RALYL: variants seen among roughly 807,000 people sequenced by gnomAD.
RALYL encodes RNA-binding Raly-like protein.
In RALYL, 29 loss-of-function variants were observed where a neutral mutation model predicts 35.1. The ratio of observed to expected loss-of-function variants is 0.83; its 90% CI spans 0.61 to 1.13. RALYL has a LOEUF of 1.13. Among genes scored for constraint, RALYL ranks in the 50% most tolerant of loss-of-function variants. The pLI is 0.00. For synonymous variants in RALYL, 120 were observed against 127.6 expected, an observed-to-expected ratio of 0.94 and a Z score of 0.40; for missense variants, 359 against 360.4, an observed-to-expected ratio of 1.00 and a Z score of 0.03.
rs527860260 is a variant in RALYL at position 84,617,023 on chromosome 8, T to C, written c.256+87446T>C. Among the ~76,000 whole-genome samples, 31 of 150,580 alleles carry C rather than the reference T, an allele frequency of 2.1e-4. No individual in the cohort carries two copies. In the East Asian group the frequency reaches 6.0e-3, roughly 29 times the overall value. ...TGTAGTATAGTTTGAAGTCAGGTAG[T>C]GTGATGCCTCCAGCTTTGTTCTTTT... On this transcript the variant is annotated intron_variant, in intron 2 of 8. Coordinates refer to ENST00000521268, the MANE Select transcript of RALYL (RefSeq NM_173848.7).
At chr8:84,636,512 A>G (rs1431583174) in intron 2 of RALYL, among the ~76,000 whole-genome samples, 1 of 151,848 alleles carries the variant, frequency 6.6e-6, no homozygotes, top group African/African-American at 2.4e-5. Context: ...ACATCTTGAT[A>G]CTGTCAGCTG....
chr8:84,490,979 A>G (rs2055226061), intron 1 of RALYL, among the ~76,000 whole-genome samples: 1 of 152,046 alleles, frequency 6.6e-6, no homozygotes, highest in East Asian at 1.9e-4. Context: ...TTTTTTAAGC[A>G]GAGTTGAAGA....
chr8:84,336,641 T>C (rs1198534419), intron 1 of RALYL, among the ~76,000 whole-genome samples: 1 of 152,062 alleles, frequency 6.6e-6, no homozygotes, highest in Non-Finnish European at 1.5e-5. Context: ...CACAAATTGG[T>C]AATTGTTAGG....
At chr8:84,866,681 T>C (rs1433605506) in intron 6 of RALYL, among the ~76,000 whole-genome samples, 1 of 152,140 alleles carries the variant, frequency 6.6e-6, no homozygotes, top group African/African-American at 2.4e-5. Flanking sequence ...TAGAACAGTG[T>C]CGGCTAATAT....
chr8:84,469,932 C>A (rs1162876823), intron 1 of RALYL, among the ~76,000 whole-genome samples: 1 of 152,208 alleles, frequency 6.6e-6, no homozygotes, highest in African/African-American at 2.4e-5. Context: ...CTTTCTTTGA[C>A]TCAGACAGGG....
At chr8:84,244,691 A>T (rs1349374183) in intron 1 of RALYL, among the ~76,000 whole-genome samples, 1 of 152,202 alleles carries the variant, frequency 6.6e-6, no homozygotes, top group African/African-American at 2.4e-5. Flanking sequence ...AAAAATGATC[A>T]TTTATTATCT....
intron 1 of RALYL, among the ~76,000 whole-genome samples, chr8:84,189,468 G>A (rs1249209685): frequency 1.3e-5 from 2 of 152,178 alleles, no homozygotes; most frequent in Non-Finnish European, 2.9e-5. Context: ...ACAGGTGGGA[G>A]TAAGGAACGG....
intron 1 of RALYL, among the ~76,000 whole-genome samples, chr8:84,505,386 CA>C (rs1215687701): frequency 6.6e-6 from 1 of 152,002 alleles, no homozygotes; most frequent in African/African-American, 2.4e-5. Context: ...AGGAGAGAGG[CA>C]TGTTAGTATT....
intron 1 of RALYL, among the ~76,000 whole-genome samples, chr8:84,308,007 G>C (rs1267114023): frequency 2.0e-5 from 3 of 150,240 alleles, no homozygotes; most frequent in Non-Finnish European, 4.4e-5. Flanking sequence ...TTGAGCTGCC[G>C]CTCAAAACCG....
intron 3 of RALYL, among the ~76,000 whole-genome samples, chr8:84,797,995 C>T (rs1010435623): frequency 1.4e-4 from 21 of 152,276 alleles, no homozygotes; most frequent in African/African-American, 4.8e-4. Flanking sequence ...CAGAACAGAT[C>T]TTCTGCCCCC....
intron 2 of RALYL, among the ~76,000 whole-genome samples, chr8:84,710,111 C>T (rs1311253559): frequency 1.3e-5 from 2 of 151,900 alleles, no homozygotes; most frequent in African/African-American, 2.4e-5. Context: ...TTGAAATTCA[C>T]TATATTCTCT....
intron 1 of RALYL, among the ~76,000 whole-genome samples, chr8:84,438,317 A>G (rs1248103183): frequency 3.3e-5 from 5 of 152,108 alleles, no homozygotes. Context: ...GGATGTATCC[A>G]TAAATTACTT....
chr8:84,276,488 C>T (rs180998635), intron 1 of RALYL, among the ~76,000 whole-genome samples: 93 of 152,066 alleles, frequency 6.1e-4, no homozygotes, highest in Admixed American at 1.4e-3. Context: ...CATCTTCCTG[C>T]GGTAAGAAAG....
At chr8:84,557,422 A>G (rs1443803107) in intron 2 of RALYL, among the ~76,000 whole-genome samples, 1 of 152,234 alleles carries the variant, frequency 6.6e-6, no homozygotes, top group African/African-American at 2.4e-5. Flanking sequence ...AGAGTCTCAA[A>G]GCAGAGGGAA....
At chr8:84,307,274 G>T (rs2132460319) in intron 1 of RALYL, among the ~76,000 whole-genome samples, 1 of 152,090 alleles carries the variant, frequency 6.6e-6, no homozygotes. Flanking sequence ...CTTCACCCTG[G>T]TTCATAGCAT....
At chr8:84,577,433 G>A (rs1809732252) in intron 2 of RALYL, among the ~76,000 whole-genome samples, 1 of 152,184 alleles carries the variant, frequency 6.6e-6, no homozygotes, top group African/African-American at 2.4e-5. Flanking sequence ...GGCAGAGAAG[G>A]AAGTTGGGCT....
chr8:84,530,246 T>A (rs1284744557), intron 2 of RALYL, among the ~76,000 whole-genome samples: 7 of 151,946 alleles, frequency 4.6e-5, no homozygotes, highest in Non-Finnish European at 1.5e-5. Flanking sequence ...AGATAATTAT[T>A]TAGATGTTTT....
At chr8:84,774,932 A>C (rs1382732248) in intron 3 of RALYL, among the ~76,000 whole-genome samples, 1 of 152,016 alleles carries the variant, frequency 6.6e-6, no homozygotes, top group Non-Finnish European at 1.5e-5. Flanking sequence ...GGAAAGGCCA[A>C]TGTTGGTTAA....
chr8:84,183,095 G>C (rs547448164), upstream of RALYL: 4 of 157,744 alleles, frequency 2.5e-5, no homozygotes, highest in African/African-American at 9.6e-5. Flanking sequence ...ATGCGAGGCG[G>C]CGGCGGCAGC....
Sources: allele counts gnomAD v4.1 joint callset (sites outside exome capture counted in the v4.1 genomes callset), GRCh38; gene constraint gnomAD v4.1.1; transcripts MANE v1.5; gene names NCBI Gene and HGNC (gene_info 2026-07-23, HGNC 2026-07-21).